Variants in RFTN2 observed in about 807,000 individuals in gnomAD.
RFTN2 encodes raftlin family member 2.
RFTN2 carries 34 observed loss-of-function variants against 52.7 expected under a neutral mutation model. That is an observed-to-expected ratio of 0.64 (90% CI 0.49 to 0.86). RFTN2 has a LOEUF of 0.86. RFTN2 is among the 40% of genes least tolerant of loss of function. The pLI is 0.00. For synonymous variants in RFTN2, 203 were observed against 217.7 expected, an observed-to-expected ratio of 0.93 and a Z score of 0.59; for missense variants, 536 against 600.1, an observed-to-expected ratio of 0.89 and a Z score of 1.12.
At chr2:197,618,654 C>T (rs575960577) in intron 5 of RFTN2, among the ~76,000 whole-genome samples, 2 of 151,928 alleles carry the variant, frequency 1.3e-5, no homozygotes, top group African/African-American at 4.8e-5. Context: ...CGCCTCTTCC[C>T]GGCCGCCATC....
intron 8 of RFTN2, among the ~76,000 whole-genome samples, chr2:197,580,442 C>T (rs2087487332): frequency 6.6e-6 from 1 of 152,226 alleles, no homozygotes; most frequent in Non-Finnish European, 1.5e-5. Flanking sequence ...CCTGGGATTC[C>T]TCCTAAGCCA....
intron 7 of RFTN2, among the ~76,000 whole-genome samples, chr2:197,604,838 G>A (rs1334286636): frequency 6.6e-6 from 1 of 152,140 alleles, no homozygotes; most frequent in African/African-American, 2.4e-5. Flanking sequence ...TTGGCTTACT[G>A]CAACCTCTGC....
chr2:197,601,244 G>A (rs2087876470), intron 7 of RFTN2, among the ~76,000 whole-genome samples: 1 of 152,232 alleles, frequency 6.6e-6, no homozygotes, highest in Admixed American at 6.5e-5. Context: ...AAAGCACAAA[G>A]AAGATTCTAT....
chr2:197,625,144 T>C (rs978187290), intron 5 of RFTN2, among the ~76,000 whole-genome samples: 1 of 152,114 alleles, frequency 6.6e-6, no homozygotes, highest in Non-Finnish European at 1.5e-5. Flanking sequence ...ACCACTGTGC[T>C]GGCCCATTCT....
chr2:197,588,014 AC>A, intron 8 of RFTN2: 1 of 470,420 alleles, frequency 2.1e-6, no homozygotes, highest in South Asian at 1.6e-5. Flanking sequence ...ACACTGTCTT[AC>A]CCACATCTGC....
intron 8 of RFTN2, among the ~76,000 whole-genome samples, chr2:197,575,677 A>G (rs1223197786): frequency 6.6e-6 from 1 of 151,118 alleles, no homozygotes; most frequent in East Asian, 1.9e-4. Context: ...AAATGGGAGG[A>G]TTACTTGGGC....
intron 8 of RFTN2, chr2:197,587,945 C>G: frequency 2.1e-6 from 1 of 468,458 alleles, no homozygotes; most frequent in Non-Finnish European, 4.4e-6. Flanking sequence ...CAGGATTTGT[C>G]CAAGGTCATG....
chr2:197,630,966 AG>A (rs1480829654), intron 5 of RFTN2, 44 bp downstream of exon 5: 2 of 1,288,684 alleles, frequency 1.6e-6, no homozygotes, highest in African/African-American at 2.9e-5. Flanking sequence ...TTTTGATACA[AG>A]TTCAAATTCC....
chr2:197,578,793 G>C (rs554025635), intron 8 of RFTN2, among the ~76,000 whole-genome samples: 1 of 152,098 alleles, frequency 6.6e-6, no homozygotes, highest in African/African-American at 2.4e-5. Context: ...GCCGTGATTC[G>C]GATTGGGGGA....
intron 1 of RFTN2, among the ~76,000 whole-genome samples, chr2:197,653,641 T>C (rs1165028169): frequency 6.6e-6 from 1 of 152,210 alleles, no homozygotes; most frequent in African/African-American, 2.4e-5. Flanking sequence ...AAAAATCTAT[T>C]GGGTTGGTGC....
At chr2:197,591,565 C>G (rs907828357) in intron 8 of RFTN2, among the ~76,000 whole-genome samples, 1 of 152,190 alleles carries the variant, frequency 6.6e-6, no homozygotes. Flanking sequence ...TACTCCTCAG[C>G]CCTTGGGCGG....
intron 1 of RFTN2, among the ~76,000 whole-genome samples, chr2:197,671,224 C>T (rs945642211): frequency 6.6e-6 from 1 of 152,172 alleles, no homozygotes; most frequent in African/African-American, 2.4e-5. Context: ...TTCCTGCTTC[C>T]TCCCTAGAAA....
At chr2:197,641,414 A>C (rs1284068816) in intron 3 of RFTN2, among the ~76,000 whole-genome samples, 1 of 152,236 alleles carries the variant, frequency 6.6e-6, no homozygotes, top group African/African-American at 2.4e-5. Flanking sequence ...GGAGAGAAGA[A>C]GAGGGAGGGA....
chr2:197,586,943 C>A (rs1447262621), intron 8 of RFTN2, among the ~76,000 whole-genome samples: 1 of 152,140 alleles, frequency 6.6e-6, no homozygotes, highest in African/African-American at 2.4e-5. Flanking sequence ...GGATAGAGCA[C>A]CAAAACTCTC....
intron 7 of RFTN2, among the ~76,000 whole-genome samples, chr2:197,607,255 T>C (rs2106200348): frequency 6.6e-6 from 1 of 152,168 alleles, no homozygotes; most frequent in African/African-American, 2.4e-5. Context: ...CCGCATGTTC[T>C]CACTCACAGG....
At chr2:197,603,145 G>A (rs1420513317) in intron 7 of RFTN2, among the ~76,000 whole-genome samples, 1 of 152,188 alleles carries the variant, frequency 6.6e-6, no homozygotes, top group Non-Finnish European at 1.5e-5. Context: ...AATGGGTGCA[G>A]CACACTAACA....
chr2:197,585,638 G>A (rs900339326), intron 8 of RFTN2, among the ~76,000 whole-genome samples: 1 of 151,942 alleles, frequency 6.6e-6, no homozygotes, highest in Non-Finnish European at 1.5e-5. Context: ...CCTCCTTAGC[G>A]AACAATTGCT....
chr2:197,632,617 T>C (rs894143576), intron 4 of RFTN2, among the ~76,000 whole-genome samples: 1 of 152,182 alleles, frequency 6.6e-6, no homozygotes, highest in Non-Finnish European at 1.5e-5. Context: ...CACATTCCTA[T>C]ACTTTTTACA....
At chr2:197,607,934 T>G (rs2087988642) in intron 7 of RFTN2, among the ~76,000 whole-genome samples, 1 of 152,224 alleles carries the variant, frequency 6.6e-6, no homozygotes, top group South Asian at 2.1e-4. Context: ...AAATTGATTA[T>G]TTTAAGAATG....
Sources: gnomAD v4.1 joint callset for allele counts (sites outside exome capture counted in the v4.1 genomes callset) on GRCh38, gnomAD v4.1.1 for gene constraint, MANE v1.5 for transcripts, NCBI Gene and HGNC (gene_info 2026-07-23, HGNC 2026-07-21) for gene names.